Variants in HS6ST3 observed in about 807,000 individuals in gnomAD.
HS6ST3 encodes heparan-sulfate 6-O-sulfotransferase 3.
Under a neutral mutation model 36.7 loss-of-function variants are expected in HS6ST3, and 12 were observed. The observed-to-expected ratio is 0.33, with a 90% CI of 0.21 to 0.53. The LOEUF (loss-of-function observed/expected upper bound fraction) is 0.53, where lower values mean the gene tolerates loss of function less well. Ranked by LOEUF, HS6ST3 falls within the 20% of genes least tolerant of loss-of-function variation. The pLI is 0.95. For synonymous variants in HS6ST3, 240 were observed against 257.5 expected (o/e 0.93, Z 0.65); for missense variants, 584 against 640.9 (o/e 0.91, Z 0.96).
chr13:96,123,517 A>G (rs1401731001), intron 1 of HS6ST3, among the ~76,000 whole-genome samples: 1 of 152,218 alleles, frequency 6.6e-6, no homozygotes, highest in Non-Finnish European at 1.5e-5. Flanking sequence ...GCCAATGCTC[A>G]GGTTCTTTAT....
At position 96,406,824 on chromosome 13, in the gene HS6ST3, A is replaced by T. The variant is rs148641906; in HGVS notation, c.707+315255A>T. On this transcript the variant is annotated intron_variant, in intron 1 of 1. Transcript: ENST00000376705. ...TACTCTAAGGAGATTTTGATTTGACACAGTTCATATGTGTCAGACAAAAAT... is the reference window on the plus strand; with the variant it reads ...TACTCTAAGGAGATTTTGATTTGACTCAGTTCATATGTGTCAGACAAAAAT... 5.2e-4 allele frequency among the ~76,000 whole-genome samples: 79 copies of T among 152,320 alleles called. 1 individual carries two copies. In the East Asian group the frequency reaches 0.015, roughly 29 times the overall value.
chr13:96,215,359 T>C (rs2054419732), intron 1 of HS6ST3, among the ~76,000 whole-genome samples: 1 of 152,206 alleles, frequency 6.6e-6, no homozygotes, highest in African/African-American at 2.4e-5. Context: ...GGAGAGAAAA[T>C]CATTGGTCAT....
chr13:96,340,054 A>G (rs1423643042), intron 1 of HS6ST3, among the ~76,000 whole-genome samples: 1 of 152,164 alleles, frequency 6.6e-6, no homozygotes, highest in African/African-American at 2.4e-5. Context: ...CCTTTTCTGA[A>G]TTACTTTTTC....
At chr13:96,232,315 C>G (rs2054512795) in intron 1 of HS6ST3, among the ~76,000 whole-genome samples, 2 of 151,920 alleles carry the variant, frequency 1.3e-5, no homozygotes, top group African/African-American at 4.8e-5. Context: ...GAAAGCTTCG[C>G]TGGTTGTGAA....
intron 1 of HS6ST3, among the ~76,000 whole-genome samples, chr13:96,470,356 G>A (rs2055834687): frequency 6.6e-6 from 1 of 152,160 alleles, no homozygotes; most frequent in Non-Finnish European, 1.5e-5. Context: ...CTCTCAAACA[G>A]TTGGTTTATA....
chr13:96,242,804 C>T (rs2054567219), intron 1 of HS6ST3, among the ~76,000 whole-genome samples: 1 of 152,094 alleles, frequency 6.6e-6, no homozygotes, highest in African/African-American at 2.4e-5. Flanking sequence ...ACCATAGAAT[C>T]CAACAGTCTC....
In HS6ST3 at chr13:96,788,093, T is replaced by C. The variant is rs545738051; in HGVS notation, c.708-44397T>C. Among the ~76,000 whole-genome samples, 84 of 152,054 alleles carry C rather than the reference T, an allele frequency of 5.5e-4. 2 individuals are homozygous for C. In the South Asian group the frequency reaches 0.017, roughly 30 times the overall value. On this transcript the variant is annotated intron_variant, in intron 1 of 1. Coordinates refer to ENST00000376705, the MANE Select transcript of HS6ST3 (RefSeq NM_153456.4). ...TGCAGATCTATTTCTGGGTTCTATG[T>C]TATGTTTCATTTCTATCCCTTTGCC...
chr13:96,634,512 T>C (rs1451653787), intron 1 of HS6ST3, among the ~76,000 whole-genome samples: 1 of 152,204 alleles, frequency 6.6e-6, no homozygotes, highest in Admixed American at 6.5e-5. Flanking sequence ...CCTCCATTCA[T>C]TCATTTATAT....
At chr13:96,620,439 G>T (rs1258904899) in intron 1 of HS6ST3, among the ~76,000 whole-genome samples, 2 of 152,090 alleles carry the variant, frequency 1.3e-5, no homozygotes, top group Non-Finnish European at 2.9e-5. Context: ...TCCTCAATGT[G>T]CACTTACACA....
chr13:96,443,529 C>CAAA lies in HS6ST3; in HGVS notation c.707+351978_707+351980dup, dbSNP rs10676564. Among the ~76,000 whole-genome samples, 383 of 76,142 alleles carry CAAA rather than the reference C, an allele frequency of 5.0e-3. 11 individuals are homozygous for CAAA. Among genetic ancestry groups the CAAA allele is most frequent in the African/African-American group, 5.7e-3 (110 of 19,240 alleles). 50.0% of individuals were successfully genotyped at this position (76,142 alleles called of 152,430 possible). On this transcript the variant is annotated intron_variant, in intron 1 of 1. Transcript: ENST00000376705. ...TGGGGGACAGAGCGAGACTCCGTCT[C>CAAA]AAAAAAAAAAAAAAAAAAAAGCAGA...
At chr13:96,132,689 A>G (rs1324102057) in intron 1 of HS6ST3, among the ~76,000 whole-genome samples, 4 of 152,108 alleles carry the variant, frequency 2.6e-5, no homozygotes, top group Non-Finnish European at 5.9e-5. Context: ...TGCAGGTATG[A>G]GCCACTGCAC....
intron 1 of HS6ST3, among the ~76,000 whole-genome samples, chr13:96,253,170 G>T (rs1471522144): frequency 2.0e-5 from 3 of 152,060 alleles, no homozygotes; most frequent in African/African-American, 4.8e-5. Flanking sequence ...GGTGGAGTTT[G>T]TGAGCCAGTT....
intron 1 of HS6ST3, among the ~76,000 whole-genome samples, chr13:96,589,055 G>GAAA (rs774694159): frequency 3.1e-4 from 16 of 51,398 alleles, no homozygotes; most frequent in African/African-American, 8.4e-4. Flanking sequence ...CATCTCAAGA[G>GAAA]AAAAAAAAAA....
At chr13:96,366,902 A>T (rs565072244) in intron 1 of HS6ST3, among the ~76,000 whole-genome samples, 7 of 152,184 alleles carry the variant, frequency 4.6e-5, no homozygotes, top group Admixed American at 3.9e-4. Flanking sequence ...TGGTTTTATA[A>T]AGGGGATTTC....
intron 1 of HS6ST3, among the ~76,000 whole-genome samples, chr13:96,266,037 G>T (rs1212210484): frequency 6.6e-6 from 1 of 151,884 alleles, no homozygotes; most frequent in African/African-American, 2.4e-5. Flanking sequence ...TGATGCTCTT[G>T]CAGGGTTATT....
chr13:96,585,130 T>A (rs1239937561), intron 1 of HS6ST3, among the ~76,000 whole-genome samples: 1 of 152,240 alleles, frequency 6.6e-6, no homozygotes, highest in Non-Finnish European at 1.5e-5. Flanking sequence ...TTTGTTGTAC[T>A]ATATTACTAA....
At position 96,555,039 on chromosome 13, in the gene HS6ST3, C is replaced by T. The variant is rs139106311; in HGVS notation, c.708-277451C>T. Among the ~76,000 whole-genome samples the T allele has an allele frequency of 3.1e-3, 474 of 152,102 alleles. 3 individuals are homozygous for T. The highest frequency in any genetic ancestry group is 5.8e-3 in the Non-Finnish European group (395 of 67,988). On this transcript the variant is annotated intron_variant, in intron 1 of 1. Coordinates refer to ENST00000376705, the MANE Select transcript of HS6ST3 (RefSeq NM_153456.4). ...AGGCTGCAGTGAGCTGTGGTCATGC[C>T]GCTGCACTCCAGCCTGGGTAACAGA...
chr13:96,337,661 C>A lies in HS6ST3; in HGVS notation c.707+246092C>A, dbSNP rs116935604. On this transcript the variant is annotated intron_variant, in intron 1 of 1. Transcript: ENST00000376705. ...GGAAGGTATTTTTTCATCTCTATAG[C>A]TGAGAATTTGGTGGGCTCCCTCATT... Among the ~76,000 whole-genome samples, 21 of 152,248 alleles carry A rather than the reference C, an allele frequency of 1.4e-4. No individual in the cohort carries two copies. The East Asian group carries it at 3.5e-3, about 25-fold the overall frequency.
intron 1 of HS6ST3, among the ~76,000 whole-genome samples, chr13:96,659,119 C>A (rs879020687): frequency 6.6e-6 from 1 of 152,182 alleles, no homozygotes; most frequent in Admixed American, 6.5e-5. Flanking sequence ...GTTGATGCAG[C>A]AGTTTATTCT....
Sources: allele counts gnomAD v4.1 joint callset (sites outside exome capture counted in the v4.1 genomes callset), GRCh38; gene constraint gnomAD v4.1.1; transcripts MANE v1.5; gene names NCBI Gene and HGNC (gene_info 2026-07-23, HGNC 2026-07-21).